The following KCNJ11 variants were observed in gnomAD, a reference collection of about 807,000 sequenced individuals.
The protein encoded by KCNJ11 is potassium inwardly rectifying channel subfamily J member 11.
A neutral mutation model predicts 17.3 loss-of-function variants in KCNJ11; 12 were observed. That is an observed-to-expected ratio of 0.69 (90% CI 0.44 to 1.12). KCNJ11 has a LOEUF of 1.12. KCNJ11 is among the 50% of genes most tolerant of loss of function. The pLI is 0.00. For missense variants in KCNJ11, 386 were observed against 554.1 expected (o/e 0.70, Z 3.05); for synonymous variants, 211 against 223.4 (o/e 0.94, Z 0.50).
In KCNJ11 at chr11:17,386,701, C is replaced by A. The variant is rs886048039; in HGVS notation, c.*218G>T. ...GGGCGGGGGAGAGGGGTGAGCCAGT[C>A]CTGAATTGGGTTGGGAGGAGCAGGG... On this transcript the variant is annotated 3_prime_UTR_variant, in exon 1 of 1. Transcript: ENST00000339994. 40 of 572,460 alleles carry A rather than the reference C, an allele frequency of 7.0e-5. No homozygotes were observed. The highest frequency in any genetic ancestry group is 3.7e-5 in the Non-Finnish European group (12 of 322,084). 35.5% of individuals were successfully genotyped at this position (572,460 alleles called of 1,614,324 possible). A position where few individuals can be genotyped will look rare whatever the true frequency, so the allele number is the denominator to read the frequency against.
At position 17,387,836 on chromosome 11, in the gene KCNJ11, A is replaced by G. The variant is rs1953589633; in HGVS notation, c.256T>C (p.Phe86Leu). ...TMSFLCSWLL[F>L]AMAWWLIAFA... is the part of the protein sequence containing the mutation. ...GCGATGAGCCACCAGGCCATGGCGA[A>G]GAGCAGCCAGCTGCACAGGAAGGAC... The change falls in exon 1 of 1, where the codon TTC (phenylalanine) becomes CTC (leucine). Residue 86 changes from phenylalanine to leucine, a missense_variant. Transcript: ENST00000339994. 1 of 1,614,038 alleles carries G rather than the reference A, an allele frequency of 6.2e-7. No individual in the cohort carries two copies. The highest frequency in any genetic ancestry group is 1.3e-5 in the African/African-American group (1 of 75,076).
chr11:17,388,380 G>A lies in KCNJ11; in HGVS notation c.-289C>T. ...GCAGATCACTAGGTCAGGAGTTCGA[G>A]ACCAGCCTGACCAACATGGTGAAAC... On this transcript the variant is annotated 5_prime_UTR_variant, in exon 1 of 1. Transcript: ENST00000339994. 2.2e-6 allele frequency: 1 copy of A among 450,648 alleles called. No individual in the cohort carries two copies. The highest frequency in any genetic ancestry group is 4.0e-6 in the Non-Finnish European group (1 of 249,010). 27.9% of individuals were successfully genotyped at this position (450,648 alleles called of 1,614,324 possible). A position where few individuals can be genotyped will look rare whatever the true frequency, so the allele number is the denominator to read the frequency against.
Position 17,388,657 on chromosome 11 carries a change from G to A in KCNJ11, c.-566C>T. ...TGGCGCCTAGGGAGCCCCCAACCCT[G>A]CCGGCTCTCCACCTGGCCCTGCGTC... On this transcript the variant is annotated 5_prime_UTR_variant, in exon 1 of 1. Transcript: ENST00000339994. 8.5e-6 allele frequency: 3 copies of A among 354,882 alleles called. No individual in the cohort carries two copies. The highest frequency in any genetic ancestry group is 9.0e-5 in the East Asian group (1 of 11,112). The allele number at this position is 354,882 out of a possible 1,614,324, so 22.0% of individuals were successfully genotyped here. A position where few individuals can be genotyped will look rare whatever the true frequency, so the allele number is the denominator to read the frequency against.
In KCNJ11 at chr11:17,385,265, C is replaced by T. The variant is rs866464444; in HGVS notation, c.*1654G>A. Among the ~76,000 whole-genome samples, 21 of 152,342 alleles carry T rather than the reference C, an allele frequency of 1.4e-4. No homozygotes were observed. The highest frequency in any genetic ancestry group is 3.4e-3 in the Middle Eastern group (1 of 294). On this transcript the variant is annotated 3_prime_UTR_variant, in exon 1 of 1. Transcript: ENST00000339994. Reference sequence around the variant, plus strand: ...CGTCTCTCTTTAACACTTGTTTGGCCGTTTCCTCAGCATGTAGCTGATTCA... The same window carrying T: ...CGTCTCTCTTTAACACTTGTTTGGCTGTTTCCTCAGCATGTAGCTGATTCA...
Sources: gnomAD v4.1 joint callset for allele counts (sites outside exome capture counted in the v4.1 genomes callset) on GRCh38, gnomAD v4.1.1 for gene constraint, MANE v1.5 for transcripts, NCBI Gene and HGNC (gene_info 2026-07-23, HGNC 2026-07-21) for gene names.